Variants in CDH8 observed in about 807,000 individuals in gnomAD.
The protein encoded by CDH8 is cadherin-8.
In CDH8, 17 loss-of-function variants were observed where a neutral mutation model predicts 68.1. That is an observed-to-expected ratio of 0.25 (90% CI 0.17 to 0.37). The LOEUF is 0.37. Among genes scored for constraint, CDH8 ranks in the 10% least tolerant of loss-of-function variants. The pLI is 1.00. For missense variants in CDH8, 763 were observed against 999.3 expected, an observed-to-expected ratio of 0.76 and a Z score of 3.19; for synonymous variants, 372 against 365.1, an observed-to-expected ratio of 1.02 and a Z score of -0.21.
Position 61,936,680 on chromosome 16 carries a change from A to G in CDH8, c.253-35207T>C, listed in dbSNP as rs142111392. Among the ~76,000 whole-genome samples, 35 of 152,266 alleles carry G rather than the reference A, an allele frequency of 2.3e-4. No individual in the cohort carries two copies. In the East Asian group the frequency reaches 5.6e-3, roughly 24 times the overall value. On this transcript the variant is annotated intron_variant, in intron 2 of 11. Transcript: ENST00000577390. ...AGTCTTCTGTCTTGCTGAATGGGAT[A>G]TGCAAGTATGGGGGTCCAGAACTTA...
chr16:61,963,737 G>A (rs1226256489), intron 2 of CDH8, among the ~76,000 whole-genome samples: 1 of 152,134 alleles, frequency 6.6e-6, no homozygotes, highest in Non-Finnish European at 1.5e-5. Context: ...GAATATTTGA[G>A]GAATCAAATA....
chr16:61,738,810 C>T (rs764911712), intron 8 of CDH8, among the ~76,000 whole-genome samples: 8 of 151,828 alleles, frequency 5.3e-5, no homozygotes, highest in East Asian at 1.9e-4. Context: ...ACTTTTGATG[C>T]GTGTGTATGT....
intron 2 of CDH8, among the ~76,000 whole-genome samples, chr16:61,911,412 G>A (rs959996977): frequency 2.6e-5 from 4 of 152,130 alleles, no homozygotes; most frequent in African/African-American, 9.7e-5. Flanking sequence ...TGGTGAGTGG[G>A]TAGGCTTCAA....
At chr16:61,761,582 T>C (rs1027671480) in intron 8 of CDH8, among the ~76,000 whole-genome samples, 1 of 152,084 alleles carries the variant, frequency 6.6e-6, no homozygotes, top group Non-Finnish European at 1.5e-5. Context: ...CTTCAAAAAA[T>C]ACAAAAGTAT....
At chr16:61,952,142 CT>C (rs1964908266) in intron 2 of CDH8, among the ~76,000 whole-genome samples, 1 of 152,100 alleles carries the variant, frequency 6.6e-6, no homozygotes, top group African/African-American at 2.4e-5. Context: ...AATTATAATT[CT>C]CATTATTAAT....
At chr16:61,830,277 A>C (rs1962426798) in intron 4 of CDH8, among the ~76,000 whole-genome samples, 1 of 151,828 alleles carries the variant, frequency 6.6e-6, no homozygotes, top group Middle Eastern at 3.2e-3. Context: ...AATGCCACCT[A>C]ATACAGAGCA....
intron 2 of CDH8, among the ~76,000 whole-genome samples, chr16:61,950,090 C>A (rs1964867124): frequency 6.6e-6 from 1 of 151,988 alleles, no homozygotes; most frequent in African/African-American, 2.4e-5. Context: ...ATCCTGAAAT[C>A]AAGACAGTCA....
At chr16:61,712,501 C>T (rs1005281013) in intron 10 of CDH8, among the ~76,000 whole-genome samples, 1 of 151,622 alleles carries the variant, frequency 6.6e-6, no homozygotes, top group Admixed American at 6.6e-5. Context: ...AGAATAAACA[C>T]GGACCACACT....
At chr16:61,750,900 A>C (rs2142946847) in intron 8 of CDH8, among the ~76,000 whole-genome samples, 1 of 152,252 alleles carries the variant, frequency 6.6e-6, no homozygotes, top group South Asian at 2.1e-4. Flanking sequence ...AACCCTCATT[A>C]TAATTTCTTC....
At chr16:61,916,780 T>G (rs1288203394) in intron 2 of CDH8, among the ~76,000 whole-genome samples, 1 of 152,120 alleles carries the variant, frequency 6.6e-6, no homozygotes, top group Non-Finnish European at 1.5e-5. Context: ...ATTAGTTATT[T>G]ACTTTCAATA....
intron 10 of CDH8, among the ~76,000 whole-genome samples, chr16:61,674,982 A>T (rs1434581485): frequency 6.6e-6 from 1 of 151,912 alleles, no homozygotes; most frequent in South Asian, 2.1e-4. Flanking sequence ...GACAATACCA[A>T]GTGGTCTGAT....
rs1024581566 is a variant in CDH8, at chr16:61,653,119, T to G, written c.*489A>C. On this transcript the variant is annotated 3_prime_UTR_variant, in exon 12 of 12. Transcript: ENST00000577390. The stretch of plus-strand genomic sequence containing the variant: ...CTCTCAAAACTCCAAAAAGTTATAA[T>G]GTACAGCAGACCAAGTATTGCTTTA... The G allele has an allele frequency of 4.8e-6, 6 of 1,249,386 alleles. No homozygotes were observed. The South Asian group carries it at 1.8e-4, about 38-fold the overall frequency. The allele number at this position is 1,249,386 out of a possible 1,614,324, so 77.4% of individuals were successfully genotyped here.
At chr16:61,734,911 T>G (rs1307754479) in intron 8 of CDH8, among the ~76,000 whole-genome samples, 1 of 152,090 alleles carries the variant, frequency 6.6e-6, no homozygotes, top group African/African-American at 2.4e-5. Context: ...ACTCTCACAC[T>G]TGGAAGTCAG....
chr16:61,665,808 C>CTTT (rs1282250607), intron 10 of CDH8, among the ~76,000 whole-genome samples: 1 of 107,906 alleles, frequency 9.3e-6, no homozygotes. Flanking sequence ...TCCTTCCTTT[C>CTTT]CCTCCTTCCT....
intron 2 of CDH8, among the ~76,000 whole-genome samples, chr16:61,973,619 C>T (rs555603504): frequency 3.6e-4 from 55 of 152,216 alleles, no homozygotes; most frequent in Middle Eastern, 3.4e-3. Context: ...AATAAAACCA[C>T]ATGCACAGTA....
intron 8 of CDH8, among the ~76,000 whole-genome samples, chr16:61,780,010 T>C (rs1567466857): frequency 1.3e-5 from 2 of 152,356 alleles, no homozygotes; most frequent in East Asian, 3.9e-4. Flanking sequence ...ACTCTCATCC[T>C]TGCCCTCTGT....
At chr16:61,717,627 G>T (rs1310332011) in intron 9 of CDH8, among the ~76,000 whole-genome samples, 2 of 151,432 alleles carry the variant, frequency 1.3e-5, no homozygotes, top group East Asian at 3.9e-4. Context: ...CATTTTTGAT[G>T]ATCTGATCTG....
At chr16:62,024,166 T>C (rs1220951942) in intron 1 of CDH8, among the ~76,000 whole-genome samples, 1 of 151,938 alleles carries the variant, frequency 6.6e-6, no homozygotes, top group Admixed American at 6.6e-5. Flanking sequence ...AGCAGAACAA[T>C]GAGATGGTTG....
chr16:61,928,762 G>A (rs1964493742), intron 2 of CDH8, among the ~76,000 whole-genome samples: 1 of 152,176 alleles, frequency 6.6e-6, no homozygotes, highest in Admixed American at 6.5e-5. Context: ...TCCTTTGTCT[G>A]TCTACATTGT....
Sources: allele counts gnomAD v4.1 joint callset (sites outside exome capture counted in the v4.1 genomes callset), GRCh38; gene constraint gnomAD v4.1.1; transcripts MANE v1.5; gene names NCBI Gene and HGNC (gene_info 2026-07-23, HGNC 2026-07-21).